Variants in CERS6 observed in about 807,000 individuals in gnomAD.
CERS6 encodes the protein ceramide synthase 6.
Under a neutral mutation model 56.8 loss-of-function variants are expected in CERS6, and 26 were observed. The observed-to-expected ratio is 0.46, with a 90% CI of 0.34 to 0.63. The LOEUF (loss-of-function observed/expected upper bound fraction) is 0.63. Among genes scored for constraint, CERS6 ranks in the 30% least tolerant of loss-of-function variants. CERS6 has a pLI of 0.01. For missense variants in CERS6, 415 were observed against 467.5 expected (o/e 0.89, Z 1.04); for synonymous variants, 164 against 173.3 (o/e 0.95, Z 0.42).
intron 1 of CERS6, among the ~76,000 whole-genome samples, chr2:168,468,574 A>C (rs1386841142): frequency 6.6e-6 from 1 of 152,180 alleles, no homozygotes; most frequent in Non-Finnish European, 1.5e-5. Context: ...GCTCAGTGAA[A>C]TAGTGATTAC....
chr2:168,771,368 T>C lies in CERS6; in HGVS notation c.*1706T>C, dbSNP rs1042136900. On this transcript the variant is annotated 3_prime_UTR_variant, in exon 10 of 10. Coordinates refer to ENST00000305747, the MANE Select transcript of CERS6 (RefSeq NM_203463.3). ...TGCCCTACTTATTTACAAAATAATA[T>C]GTTTCTGTTATGGTCCTTAGTAATA... is the stretch of plus-strand genomic sequence containing the variant. The C allele has an allele frequency of 6.6e-6, 1 of 152,232 alleles. No homozygotes were observed. Among genetic ancestry groups the C allele is most frequent in the Non-Finnish European group, 1.5e-5 (1 of 68,036 alleles). The allele number at this position is 152,232 out of a possible 1,614,324, so 9.4% of individuals were successfully genotyped here.
chr2:168,628,755 C>A (rs897112860), intron 3 of CERS6, among the ~76,000 whole-genome samples: 1 of 152,138 alleles, frequency 6.6e-6, no homozygotes, highest in African/African-American at 2.4e-5. Flanking sequence ...TGAAGATTTC[C>A]CTACTTCCTT....
intron 1 of CERS6, among the ~76,000 whole-genome samples, chr2:168,515,229 C>A (rs1694864251): frequency 6.6e-6 from 1 of 152,120 alleles, no homozygotes; most frequent in African/African-American, 2.4e-5. Context: ...ACAATTTAAT[C>A]ATTAAGAATG....
chr2:168,615,563 A>C (rs1162242708), intron 3 of CERS6, among the ~76,000 whole-genome samples: 4 of 148,336 alleles, frequency 2.7e-5, no homozygotes, highest in Non-Finnish European at 6.0e-5. Context: ...GCACGAAAGA[A>C]ATGCAAAATG....
chr2:168,718,695 G>T (rs1346274224), intron 8 of CERS6, among the ~76,000 whole-genome samples: 3 of 152,144 alleles, frequency 2.0e-5, no homozygotes, highest in Non-Finnish European at 4.4e-5. Flanking sequence ...CACCCCTGAA[G>T]AATTTCTTTA....
At chr2:168,585,513 A>G (rs1477013497) in intron 3 of CERS6, among the ~76,000 whole-genome samples, 2 of 152,222 alleles carry the variant, frequency 1.3e-5, no homozygotes, top group Non-Finnish European at 2.9e-5. Context: ...GGCCAAGCCA[A>G]TTCTGCCTCA....
At chr2:168,758,492 G>T (rs1190204289) in intron 8 of CERS6, among the ~76,000 whole-genome samples, 1 of 152,168 alleles carries the variant, frequency 6.6e-6, no homozygotes, top group South Asian at 2.1e-4. Context: ...CTTTGGTTAA[G>T]GTAGGGGAGG....
intron 1 of CERS6, among the ~76,000 whole-genome samples, chr2:168,486,523 TG>T (rs1434688916): frequency 0.02 from 2,987 of 147,840 alleles, 113 homozygotes; most frequent in African/African-American, 0.07. Context: ...GATTTGGTTT[TG>T]TTTTTTTTTT....
intron 4 of CERS6, 41 bp downstream of exon 4, chr2:168,631,083 T>C: frequency 1.0e-6 from 1 of 989,572 alleles, no homozygotes; most frequent in East Asian, 2.7e-5. Flanking sequence ...CTTATGTAAG[T>C]GTATGTCTAT....
chr2:168,517,494 A>AAAATAAATAAAT (rs148764497), intron 1 of CERS6, among the ~76,000 whole-genome samples: 3 of 149,446 alleles, frequency 2.0e-5, no homozygotes, highest in African/African-American at 7.4e-5. Flanking sequence ...ACTGCCTCAA[A>AAAATAAATAAAT]AAATAAATAA....
intron 3 of CERS6, among the ~76,000 whole-genome samples, chr2:168,604,894 G>A (rs1021229494): frequency 2.0e-5 from 3 of 152,186 alleles, no homozygotes; most frequent in African/African-American, 7.2e-5. Flanking sequence ...AGAGCCATGT[G>A]AGAATGGACT....
chr2:168,639,660 G>T (rs75776293), intron 4 of CERS6, among the ~76,000 whole-genome samples: 2,602 of 152,158 alleles, frequency 0.017, 99 homozygotes, highest in East Asian at 0.16. Flanking sequence ...GCCTCATCTT[G>T]TCTGGGTGTG....
chr2:168,703,769 A>G (rs1453572241), intron 6 of CERS6, among the ~76,000 whole-genome samples: 1 of 152,114 alleles, frequency 6.6e-6, no homozygotes. Context: ...TCTTTCACCA[A>G]GGTGCAAAGT....
At chr2:168,708,164 A>G (rs544268026) in intron 6 of CERS6, among the ~76,000 whole-genome samples, 7 of 152,218 alleles carry the variant, frequency 4.6e-5, no homozygotes, top group East Asian at 1.9e-4. Context: ...AAAGCTGCTT[A>G]TGATTATTCT....
At chr2:168,478,766 G>C (rs1379151858) in intron 1 of CERS6, among the ~76,000 whole-genome samples, 1 of 152,122 alleles carries the variant, frequency 6.6e-6, no homozygotes, top group Admixed American at 6.5e-5. Context: ...CTTCTGTCTT[G>C]GGTGACATCT....
chr2:168,730,347 G>T (rs1040344323), intron 8 of CERS6, among the ~76,000 whole-genome samples: 1 of 152,196 alleles, frequency 6.6e-6, no homozygotes, highest in Non-Finnish European at 1.5e-5. Context: ...AAAACAAGTA[G>T]GTCTACTAAA....
chr2:168,551,049 T>G (rs62175812), intron 2 of CERS6, among the ~76,000 whole-genome samples: 29,348 of 152,130 alleles, frequency 0.19, 3,454 homozygotes, highest in Non-Finnish European at 0.28. Flanking sequence ...TTTGCCCCAT[T>G]GGACTTCATT....
At chr2:168,621,983 A>C (rs1024365845) in intron 3 of CERS6, among the ~76,000 whole-genome samples, 2 of 152,376 alleles carry the variant, frequency 1.3e-5, no homozygotes, top group Non-Finnish European at 2.9e-5. Context: ...CATTTAATAC[A>C]TTCTGAGTGA....
chr2:168,492,234 C>G (rs1214879670), intron 1 of CERS6, among the ~76,000 whole-genome samples: 4 of 152,308 alleles, frequency 2.6e-5, no homozygotes, highest in Non-Finnish European at 4.4e-5. Context: ...ACATTCCCAC[C>G]AACAGCGTAA....
Sources: gnomAD v4.1 joint callset for allele counts (sites outside exome capture counted in the v4.1 genomes callset) on GRCh38, gnomAD v4.1.1 for gene constraint, MANE v1.5 for transcripts, NCBI Gene and HGNC (gene_info 2026-07-23, HGNC 2026-07-21) for gene names.